Variants in PRKCB observed in about 807,000 individuals in gnomAD.
PRKCB encodes the protein protein kinase C beta type.
In PRKCB, 13 loss-of-function variants were observed where a neutral mutation model predicts 81.5. The observed-to-expected ratio is 0.16, with a 90% confidence interval of 0.10 to 0.25. The LOEUF (loss-of-function observed/expected upper bound fraction) is 0.25, where lower values mean the gene tolerates loss of function less well. PRKCB is among the 10% of genes least tolerant of loss of function. The pLI is 1.00. For missense variants in PRKCB, 509 were observed against 875.7 expected, an observed-to-expected ratio of 0.58 and a Z score of 5.29; for synonymous variants, 335 against 321.4, an observed-to-expected ratio of 1.04 and a Z score of -0.45.
chr16:24,207,927 C>T (rs1265438756), intron 16 of PRKCB, among the ~76,000 whole-genome samples: 3 of 152,304 alleles, frequency 2.0e-5, no homozygotes, highest in East Asian at 3.9e-4. Flanking sequence ...ACTGGAAATA[C>T]TTCAGTATGG....
chr16:24,202,392 T>C (rs541545519), intron 16 of PRKCB, among the ~76,000 whole-genome samples: 8 of 152,346 alleles, frequency 5.3e-5, no homozygotes, highest in South Asian at 4.1e-4. Flanking sequence ...ATTTTTCTCA[T>C]TGAGTCATCA....
intron 3 of PRKCB, among the ~76,000 whole-genome samples, chr16:23,991,411 G>A (rs978903012): frequency 6.6e-6 from 1 of 152,112 alleles, no homozygotes; most frequent in African/African-American, 2.4e-5. Flanking sequence ...CTCCTCCCTA[G>A]CAAAATAGGC....
At chr16:24,175,264 A>T (rs149270649) in intron 12 of PRKCB, among the ~76,000 whole-genome samples, 1 of 152,166 alleles carries the variant, frequency 6.6e-6, no homozygotes, top group Non-Finnish European at 1.5e-5. Flanking sequence ...GCTGCAAGGT[A>T]TGAGGCCTCC....
intron 8 of PRKCB, among the ~76,000 whole-genome samples, chr16:24,118,024 T>A (rs1966755370): frequency 6.6e-6 from 1 of 152,236 alleles, no homozygotes; most frequent in South Asian, 2.1e-4. Flanking sequence ...AGGTGTTTGC[T>A]GTTAGCAGCC....
chr16:24,044,500 A>G (rs1052731050), intron 5 of PRKCB, among the ~76,000 whole-genome samples: 1 of 152,234 alleles, frequency 6.6e-6, no homozygotes, highest in Non-Finnish European at 1.5e-5. Flanking sequence ...CTATAGGTAT[A>G]TTATACTTCC....
chr16:24,065,511 T>C (rs1966022700), intron 5 of PRKCB, among the ~76,000 whole-genome samples: 1 of 152,224 alleles, frequency 6.6e-6, no homozygotes, highest in African/African-American at 2.4e-5. Context: ...ACCATACACA[T>C]TGTAATTTTA....
intron 16 of PRKCB, among the ~76,000 whole-genome samples, chr16:24,195,420 G>A (rs1039354750): frequency 6.6e-6 from 1 of 152,170 alleles, no homozygotes; most frequent in African/African-American, 2.4e-5. Flanking sequence ...AGGCATGCAT[G>A]TATCTGTCAG....
At chr16:24,093,516 C>T (rs531873527) in intron 6 of PRKCB, among the ~76,000 whole-genome samples, 5 of 152,320 alleles carry the variant, frequency 3.3e-5, no homozygotes, top group South Asian at 2.1e-4. Context: ...CCGACTTCAT[C>T]GGCTCATTTT....
chr16:24,183,629 C>G (rs897720262), intron 13 of PRKCB, among the ~76,000 whole-genome samples: 2 of 152,156 alleles, frequency 1.3e-5, no homozygotes, highest in East Asian at 3.8e-4. Flanking sequence ...GATTAGTTAA[C>G]ATTTTGAGGG....
intron 10 of PRKCB, among the ~76,000 whole-genome samples, chr16:24,164,858 G>A (rs796276875): frequency 5.9e-5 from 9 of 152,256 alleles, no homozygotes; most frequent in African/African-American, 2.2e-4. Context: ...GTGGTGATAA[G>A]GAAGATTTTG....
At chr16:24,184,959 C>T in intron 13 of PRKCB, 152 bp from the exon 14 acceptor site, 2 of 686,244 alleles carry the variant, frequency 2.9e-6, no homozygotes, top group East Asian at 2.8e-5. Context: ...GCTGCAGGTG[C>T]CTCTGCAAAG....
chr16:24,209,077 A>G (rs1219512201), intron 16 of PRKCB, among the ~76,000 whole-genome samples: 1 of 152,010 alleles, frequency 6.6e-6, no homozygotes, highest in African/African-American at 2.4e-5. Context: ...GCCTCTGGGG[A>G]GGCCCAGGCG....
intron 13 of PRKCB, among the ~76,000 whole-genome samples, chr16:24,184,504 T>G (rs1396854527): frequency 6.6e-6 from 1 of 151,474 alleles, no homozygotes; most frequent in Non-Finnish European, 1.5e-5. Flanking sequence ...AATACTAAAG[T>G]GTTTATGTAA....
At chr16:23,960,536 C>T (rs537117989) in intron 2 of PRKCB, among the ~76,000 whole-genome samples, 14 of 151,940 alleles carry the variant, frequency 9.2e-5, no homozygotes, top group South Asian at 4.2e-4. Context: ...TAGGTAAACA[C>T]GTGCCATGGT....
rs1968276976 is a variant in PRKCB at position 24,218,992 on chromosome 16, T to C, written c.*4176T>C. The C allele has an allele frequency of 1.0e-6, 1 of 985,186 alleles. No individual in the cohort carries two copies. The highest frequency in any genetic ancestry group is 1.2e-6 in the Non-Finnish European group (1 of 829,892). 61.0% of individuals were successfully genotyped at this position (985,186 alleles called of 1,614,324 possible). On this transcript the variant is annotated 3_prime_UTR_variant, in exon 17 of 17. Coordinates refer to ENST00000643927, the MANE Select transcript of PRKCB (RefSeq NM_002738.7). Reference sequence around the variant, plus strand: ...CCTCGGTTCTCTCATATGTCATATATAGGAGGTGAGGACTCCAGCTCCACC... The same window carrying C: ...CCTCGGTTCTCTCATATGTCATATACAGGAGGTGAGGACTCCAGCTCCACC...
chr16:23,903,911 C>T (rs908741406), intron 2 of PRKCB, among the ~76,000 whole-genome samples: 1 of 152,206 alleles, frequency 6.6e-6, no homozygotes, highest in Admixed American at 6.5e-5. Flanking sequence ...CCTCTGGTGT[C>T]TGCAACGACG....
chr16:24,063,733 G>A (rs1380688351), intron 5 of PRKCB, among the ~76,000 whole-genome samples: 1 of 152,308 alleles, frequency 6.6e-6, no homozygotes, highest in East Asian at 1.9e-4. Context: ...CAGGAAGAAT[G>A]TTTGAGAACT....
At chr16:23,952,218 G>A (rs780527727) in intron 2 of PRKCB, among the ~76,000 whole-genome samples, 32 of 152,296 alleles carry the variant, frequency 2.1e-4, no homozygotes, top group Non-Finnish European at 2.6e-4. Flanking sequence ...AAGCTCTTCC[G>A]TGGCTCAGCT....
At chr16:24,092,147 C>T (rs770078601) in intron 5 of PRKCB, among the ~76,000 whole-genome samples, 1 of 152,186 alleles carries the variant, frequency 6.6e-6, no homozygotes, top group African/African-American at 2.4e-5. Flanking sequence ...AAAAGAAACC[C>T]TGTACTCATT....
Sources: allele counts gnomAD v4.1 joint callset (sites outside exome capture counted in the v4.1 genomes callset), GRCh38; gene constraint gnomAD v4.1.1; transcripts MANE v1.5; gene names NCBI Gene and HGNC (gene_info 2026-07-23, HGNC 2026-07-21).